The following SH3RF3 variants were observed in gnomAD, a reference collection of about 807,000 sequenced individuals.
SH3RF3 encodes E3 ubiquitin-protein ligase SH3RF3.
SH3RF3 carries 29 observed loss-of-function variants against 66.3 expected under a neutral mutation model. The observed-to-expected ratio is 0.44, with a 90% CI of 0.33 to 0.60. SH3RF3 has a LOEUF of 0.60. Among genes scored for constraint, SH3RF3 ranks in the 20% least tolerant of loss-of-function variants. SH3RF3 has a pLI of 0.04. For missense variants in SH3RF3, 1,194 were observed against 1,190.9 expected, an observed-to-expected ratio of 1.00 and a Z score of -0.04; for synonymous variants, 583 against 532.0, an observed-to-expected ratio of 1.10 and a Z score of -1.32.
At chr2:109,212,104 G>A (rs769444925) in intron 1 of SH3RF3, among the ~76,000 whole-genome samples, 1 of 152,232 alleles carries the variant, frequency 6.6e-6, no homozygotes, top group Non-Finnish European at 1.5e-5. Flanking sequence ...TGGGTGGTTG[G>A]TGCGGCTTGC....
chr2:109,277,525 A>C (rs1321139475), intron 1 of SH3RF3, among the ~76,000 whole-genome samples: 2 of 152,174 alleles, frequency 1.3e-5, no homozygotes, highest in Non-Finnish European at 2.9e-5. Flanking sequence ...TGGAATACCA[A>C]GTGACAGGCG....
intron 1 of SH3RF3, among the ~76,000 whole-genome samples, chr2:109,268,248 C>G (rs1680543366): frequency 6.6e-6 from 1 of 151,942 alleles, no homozygotes; most frequent in Non-Finnish European, 1.5e-5. Flanking sequence ...AAACCCTGAG[C>G]CCTGCCTGCT....
chr2:109,412,578 G>A (rs1020761994), intron 4 of SH3RF3, among the ~76,000 whole-genome samples: 1 of 152,184 alleles, frequency 6.6e-6, no homozygotes, highest in Non-Finnish European at 1.5e-5. Context: ...GCCCCTGCTG[G>A]TGCTGCAGGG....
chr2:109,247,914 G>A (rs990648713), intron 1 of SH3RF3, among the ~76,000 whole-genome samples: 1 of 152,168 alleles, frequency 6.6e-6, no homozygotes, highest in Admixed American at 6.5e-5. Flanking sequence ...GAAGGTCCCA[G>A]TAAGCAACAA....
At position 109,371,584 on chromosome 2, in the gene SH3RF3, A is replaced by G; in HGVS notation, c.850-2A>G. 6.2e-7 allele frequency: 1 copy of G among 1,613,824 alleles called. No individual in the cohort carries two copies. Among genetic ancestry groups the G allele is most frequent in the Non-Finnish European group, 8.5e-7 (1 of 1,179,788 alleles). On this transcript the variant is annotated splice_acceptor_variant, in intron 2 of 9. Coordinates refer to ENST00000309415, the MANE Select transcript of SH3RF3 (RefSeq NM_001099289.3). LOFTEE classifies it high-confidence loss of function. ...GTGTCCACGGTGGACCCGGAACTGC[A>G]GGACGAGATTCTGACGGTGCTCAGG...
chr2:109,299,842 T>C (rs1469037578), intron 1 of SH3RF3, among the ~76,000 whole-genome samples: 2 of 152,192 alleles, frequency 1.3e-5, no homozygotes, highest in Non-Finnish European at 2.9e-5. Flanking sequence ...ACCCAGCATG[T>C]ACAGCCAGGC....
At chr2:109,434,960 C>T (rs1296736125) in intron 6 of SH3RF3, among the ~76,000 whole-genome samples, 1 of 152,238 alleles carries the variant, frequency 6.6e-6, no homozygotes, top group African/African-American at 2.4e-5. Context: ...GCTCCTGACA[C>T]TGGAGCACTT....
intron 1 of SH3RF3, among the ~76,000 whole-genome samples, chr2:109,300,268 C>T (rs1321085292): frequency 2.0e-5 from 3 of 152,158 alleles, no homozygotes; most frequent in African/African-American, 4.8e-5. Context: ...GAACCTCCAC[C>T]TCCAGGGTTC....
At chr2:109,252,715 T>C (rs966790885) in intron 1 of SH3RF3, among the ~76,000 whole-genome samples, 1 of 152,252 alleles carries the variant, frequency 6.6e-6, no homozygotes, top group African/African-American at 2.4e-5. Context: ...CAGAACAATA[T>C]ACATTAGGCT....
At chr2:109,369,204 C>T (rs531470830) in intron 2 of SH3RF3, among the ~76,000 whole-genome samples, 7 of 151,558 alleles carry the variant, frequency 4.6e-5, no homozygotes, top group East Asian at 1.9e-4. Flanking sequence ...AAAAATTAGC[C>T]GGGAGTGGTG....
chr2:109,392,685 ATT>A (rs568902559), intron 3 of SH3RF3, among the ~76,000 whole-genome samples: 1 of 149,212 alleles, frequency 6.7e-6, no homozygotes, highest in Admixed American at 6.7e-5. Flanking sequence ...CGCCCGGCTA[ATT>A]TTTTTTTTCA....
rs1192844183 is a variant in SH3RF3, at chr2:109,437,005, G to A, written c.1687G>A (p.Ala563Thr). The part of the protein sequence containing the change: ...HPGSGSLSSL[A>T]TATRPALPIT... ...AGGCAGTGGGAGTCTGAGCAGCCTG[G>A]CCACTGCCACCAGGCCCGCCCTGCC... is the stretch of plus-strand genomic sequence containing the variant. The change falls in exon 7 of 10, where the codon GCC becomes ACC. Residue 563 changes from alanine to threonine, a missense_variant. Transcript: ENST00000309415. 2 of 1,613,836 alleles carry A rather than the reference G, an allele frequency of 1.2e-6. No individual in the cohort carries two copies. The highest frequency in any genetic ancestry group is 1.7e-6 in the Non-Finnish European group (2 of 1,179,886).
intron 1 of SH3RF3, 131 bp from the exon 2 acceptor site, chr2:109,347,543 T>C (rs1682738139): frequency 2.4e-6 from 3 of 1,241,826 alleles, no homozygotes; most frequent in Non-Finnish European, 3.3e-6. Flanking sequence ...TATTTTCCAC[T>C]TGCGGGGCAC....
chr2:109,408,383 G>A (rs1280705234), intron 4 of SH3RF3, among the ~76,000 whole-genome samples: 3 of 152,206 alleles, frequency 2.0e-5, no homozygotes, highest in Non-Finnish European at 2.9e-5. Flanking sequence ...TCTCCACCCA[G>A]ATCTCCTGAC....
chr2:109,249,588 CCTTT>C (rs1254345565), intron 1 of SH3RF3, among the ~76,000 whole-genome samples: 3 of 134,512 alleles, frequency 2.2e-5, no homozygotes, highest in African/African-American at 6.1e-5. Context: ...TCCTTCCTTT[CCTTT>C]CTTTCTTTTT....
chr2:109,153,778 C>T (rs1402945922), intron 1 of SH3RF3, among the ~76,000 whole-genome samples: 1 of 152,136 alleles, frequency 6.6e-6, no homozygotes, highest in Non-Finnish European at 1.5e-5. Flanking sequence ...ACATTAACCA[C>T]CCCCCGACCC....
intron 1 of SH3RF3, among the ~76,000 whole-genome samples, chr2:109,185,977 C>CAA (rs1380735563): frequency 3.3e-5 from 5 of 152,200 alleles, no homozygotes; most frequent in Non-Finnish European, 7.3e-5. Flanking sequence ...CTGGCCTTGG[C>CAA]TGTCACGAGC....
intron 8 of SH3RF3, among the ~76,000 whole-genome samples, chr2:109,474,400 C>T (rs1389687127): frequency 6.6e-6 from 1 of 152,152 alleles, no homozygotes; most frequent in African/African-American, 2.4e-5. Context: ...AAGCTCTCCC[C>T]CTAACAGAGA....
At chr2:109,155,941 G>C (rs544094237) in intron 1 of SH3RF3, among the ~76,000 whole-genome samples, 2 of 152,188 alleles carry the variant, frequency 1.3e-5, no homozygotes, top group Non-Finnish European at 1.5e-5. Context: ...AGGTTTCCTT[G>C]GCAACTCAGG....
Sources: allele counts gnomAD v4.1 joint callset (sites outside exome capture counted in the v4.1 genomes callset), GRCh38; gene constraint gnomAD v4.1.1; transcripts MANE v1.5; gene names NCBI Gene and HGNC (gene_info 2026-07-23, HGNC 2026-07-21).